The following GSE1 variants were observed in gnomAD, a reference collection of about 807,000 sequenced individuals.
GSE1 encodes the protein Gse1 coiled-coil protein, also known as genetic suppressor element 1.
A neutral mutation model predicts 112.6 loss-of-function variants in GSE1; 32 were observed. That is an observed-to-expected ratio of 0.28 (90% confidence interval 0.21 to 0.38). The LOEUF (loss-of-function observed/expected upper bound fraction) is 0.38, where lower values mean the gene tolerates loss of function less well. GSE1 is among the 10% of genes least tolerant of loss of function. The probability of loss-of-function intolerance (pLI) is 1.00; values close to 1 mark genes in which losing one functional copy is unlikely to be tolerated. For missense variants in GSE1, 2,348 were observed against 1,699.2 expected (o/e 1.38, Z -6.71); for synonymous variants, 1,115 against 735.6 (o/e 1.52, Z -8.35).
chr16:85,170,168 C>T (rs927366885), exon 1 of GSE1: 158 of 985,244 alleles, frequency 1.6e-4, no homozygotes, highest in Non-Finnish European at 1.8e-4. Flanking sequence ...GAGTGGAGGC[C>T]GGCTCCGGGA....
rs189265562 is a variant in GSE1 at position 85,196,768 on chromosome 16, C to T, written c.2283+24961C>T. Among the ~76,000 whole-genome samples, 47 of 152,154 alleles carry T rather than the reference C, an allele frequency of 3.1e-4. 1 individual carries two copies. Among genetic ancestry groups the T allele is most frequent in the African/African-American group, 9.9e-4 (41 of 41,516 alleles). ...GTCCCATTAGGCCCTGTGTTTAGAC[C>T]GCATGTTTAGACGGGGCGGGGGGGC... On this transcript the variant is annotated intron_variant, in intron 1 of 2. Transcript: ENST00000637419.
intron 1 of GSE1, among the ~76,000 whole-genome samples, chr16:85,238,050 G>T (rs1196655410): frequency 5.9e-5 from 9 of 152,186 alleles, no homozygotes; most frequent in Admixed American, 5.9e-4. Flanking sequence ...GGTAGGGGCA[G>T]TGGAGAGAGG....
intron 2 of GSE1, among the ~76,000 whole-genome samples, chr16:85,488,299 C>T (rs184742729): frequency 4.1e-4 from 63 of 152,254 alleles, no homozygotes; most frequent in African/African-American, 1.3e-3. Flanking sequence ...CTTGTCTGCC[C>T]GCCTCCGTTT....
chr16:85,490,003 G>C (rs2050960686), intron 2 of GSE1: 1 of 152,138 alleles, frequency 6.6e-6, no homozygotes, highest in African/African-American at 2.4e-5. Flanking sequence ...TGGGGGCACA[G>C]CCCTGCCCAC....
At chr16:85,283,413 C>T (rs1462208881) in intron 1 of GSE1, 1 of 152,906 alleles carries the variant, frequency 6.5e-6, no homozygotes, top group East Asian at 1.9e-4. Flanking sequence ...GCTGGATCCC[C>T]TTTTTGGACT....
intron 1 of GSE1, among the ~76,000 whole-genome samples, chr16:85,340,125 G>A (rs1235922331): frequency 1.3e-5 from 2 of 152,198 alleles, no homozygotes; most frequent in African/African-American, 4.8e-5. Flanking sequence ...GAATCATCAT[G>A]CAAGGCTGAG....
intron 2 of GSE1, among the ~76,000 whole-genome samples, chr16:85,377,863 A>G (rs2047454691): frequency 6.6e-6 from 1 of 152,088 alleles, no homozygotes; most frequent in Non-Finnish European, 1.5e-5. Flanking sequence ...TGGGCCCCCA[A>G]TCCTCGTCCA....
chr16:85,356,506 T>C (rs925805747), intron 1 of GSE1, among the ~76,000 whole-genome samples: 1 of 152,156 alleles, frequency 6.6e-6, no homozygotes, highest in Non-Finnish European at 1.5e-5. Context: ...GAAATATCTG[T>C]GTTAGTAAGC....
intron 1 of GSE1, among the ~76,000 whole-genome samples, chr16:85,333,732 C>T (rs115411893): frequency 0.01 from 1,562 of 152,266 alleles, 18 homozygotes; most frequent in African/African-American, 0.036. Context: ...TGGATCTGGA[C>T]GCCTCTTCTG....
chr16:85,282,868 C>CA (rs2044896342), intron 1 of GSE1: 1 of 152,302 alleles, frequency 6.6e-6, no homozygotes, highest in South Asian at 2.1e-4. Flanking sequence ...CCACAGTCAT[C>CA]ACTGATGATC....
chr16:85,317,651 G>A (rs1597379723), intron 1 of GSE1, among the ~76,000 whole-genome samples: 1 of 152,074 alleles, frequency 6.6e-6, no homozygotes, highest in Admixed American at 6.6e-5. Context: ...GCATCCATGC[G>A]CCCTGCACAG....
At chr16:85,638,888 G>A (rs1025888859) in intron 2 of GSE1, among the ~76,000 whole-genome samples, 6 of 152,106 alleles carry the variant, frequency 3.9e-5, no homozygotes, top group East Asian at 1.9e-4. Context: ...GCTCTGGGCC[G>A]GGAGCCTGCG....
upstream of GSE1, among the ~76,000 whole-genome samples, chr16:85,553,518 A>G (rs2045040509): frequency 6.6e-6 from 1 of 151,090 alleles, no homozygotes; most frequent in South Asian, 2.1e-4. Context: ...CGCGTGCGCT[A>G]GGCCGCCCGC....
At chr16:85,617,902 C>T (rs2048479196) in intron 1 of GSE1, among the ~76,000 whole-genome samples, 1 of 152,124 alleles carries the variant, frequency 6.6e-6, no homozygotes, top group South Asian at 2.1e-4. Context: ...GGACGTCTCC[C>T]CTCTACGCCA....
intron 1 of GSE1, among the ~76,000 whole-genome samples, chr16:85,590,018 TG>T (rs2046914892): frequency 6.6e-6 from 1 of 151,776 alleles, no homozygotes; most frequent in Non-Finnish European, 1.5e-5. Context: ...CCTGTGTGAA[TG>T]AACATGAGAC....
intron 1 of GSE1, among the ~76,000 whole-genome samples, chr16:85,333,046 T>A (rs1024416004): frequency 2.6e-5 from 4 of 152,034 alleles, no homozygotes; most frequent in Admixed American, 2.6e-4. Flanking sequence ...CTGTCATCCC[T>A]TTGTACCCCG....
chr16:85,187,837 G>A (rs955446327), intron 1 of GSE1, among the ~76,000 whole-genome samples: 3 of 152,196 alleles, frequency 2.0e-5, no homozygotes, highest in Admixed American at 6.5e-5. Context: ...GGAAATGATC[G>A]CTGTGGTTAT....
chr16:85,186,838 A>G (rs191726115), intron 1 of GSE1, among the ~76,000 whole-genome samples: 12 of 152,336 alleles, frequency 7.9e-5, no homozygotes, highest in Admixed American at 6.5e-4. Context: ...GATGATGATG[A>G]TGGTGGTGGT....
intron 1 of GSE1, among the ~76,000 whole-genome samples, chr16:85,299,113 A>G (rs1025128775): frequency 2.0e-5 from 3 of 152,178 alleles, no homozygotes; most frequent in Admixed American, 1.3e-4. Context: ...AACATGCAGC[A>G]TGGTGTTAGG....
Sources: gnomAD v4.1 joint callset for allele counts (sites outside exome capture counted in the v4.1 genomes callset) on GRCh38, gnomAD v4.1.1 for gene constraint, MANE v1.5 for transcripts, NCBI Gene and HGNC (gene_info 2026-07-23, HGNC 2026-07-21) for gene names.